GABRA2: variants seen among roughly 807,000 people sequenced by gnomAD.
GABRA2 encodes gamma-aminobutyric acid receptor subunit alpha-2.
GABRA2 carries 16 observed loss-of-function variants against 48.7 expected under a neutral mutation model. That is an observed-to-expected ratio of 0.33 (90% CI 0.22 to 0.50). GABRA2 has a LOEUF of 0.50. Ranked by LOEUF, GABRA2 falls within the 20% of genes least tolerant of loss-of-function variation. The pLI, the probability that GABRA2 is intolerant of heterozygous loss-of-function variation, is 0.98. For missense variants in GABRA2, 275 were observed against 535.6 expected (o/e 0.51, Z 4.80); for synonymous variants, 185 against 184.5 (o/e 1.00, Z -0.02).
In GABRA2 at chr4:46,357,949, C is replaced by T. The variant is rs371197246; in HGVS notation, c.188-25267G>A. 1.1e-4 allele frequency among the ~76,000 whole-genome samples: 16 copies of T among 152,100 alleles called. No individual in the cohort carries two copies. In the East Asian group the frequency reaches 1.7e-3, roughly 17 times the overall value. On this transcript the variant is annotated intron_variant, in intron 3 of 9. Transcript: ENST00000381620. ...CTGGGATTACAGGTGTGAGCCACCG[C>T]GCCCAGCTGTGAAACTTTCATACAG...
At chr4:46,316,535 T>C (rs1728581060) in intron 4 of GABRA2, among the ~76,000 whole-genome samples, 1 of 151,992 alleles carries the variant, frequency 6.6e-6, no homozygotes, top group Non-Finnish European at 1.5e-5. Context: ...TTCGTGTATG[T>C]GCATCTTCAA....
At chr4:46,302,900 C>A (rs1380595377) in intron 8 of GABRA2, among the ~76,000 whole-genome samples, 2 of 152,152 alleles carry the variant, frequency 1.3e-5, no homozygotes, top group Non-Finnish European at 2.9e-5. Flanking sequence ...GCATTTGGTT[C>A]ACAGCCATCT....
chr4:46,344,116 G>A (rs1010823710), intron 3 of GABRA2, among the ~76,000 whole-genome samples: 2 of 151,798 alleles, frequency 1.3e-5, no homozygotes, highest in Non-Finnish European at 2.9e-5. Context: ...TACACACCAA[G>A]AAATAAAAAA....
chr4:46,372,826 C>T (rs1302600872), intron 3 of GABRA2, among the ~76,000 whole-genome samples: 1 of 152,074 alleles, frequency 6.6e-6, no homozygotes, highest in Non-Finnish European at 1.5e-5. Flanking sequence ...GTTACACCAC[C>T]CTCTCTAAGA....
chr4:46,259,537 G>A (rs1716530699), intron 9 of GABRA2, among the ~76,000 whole-genome samples: 1 of 151,862 alleles, frequency 6.6e-6, no homozygotes, highest in Non-Finnish European at 1.5e-5. Context: ...AATATGTCGA[G>A]TGTGCACATG....
At chr4:46,358,774 A>C (rs989083118) in intron 3 of GABRA2, among the ~76,000 whole-genome samples, 3 of 152,152 alleles carry the variant, frequency 2.0e-5, no homozygotes, top group African/African-American at 7.2e-5. Flanking sequence ...TCTATCAGAG[A>C]GTCCTTTTAT....
At chr4:46,369,773 G>T (rs976210028) in intron 3 of GABRA2, among the ~76,000 whole-genome samples, 9 of 152,068 alleles carry the variant, frequency 5.9e-5, no homozygotes, top group Non-Finnish European at 1.3e-4. Context: ...ATGTATGATA[G>T]AATTACAAAA....
At chr4:46,295,385 T>C (rs1193283422) in intron 8 of GABRA2, among the ~76,000 whole-genome samples, 1 of 152,198 alleles carries the variant, frequency 6.6e-6, no homozygotes, top group African/African-American at 2.4e-5. Flanking sequence ...GGAAGAAGTA[T>C]GTGGATGGAC....
intron 2 of GABRA2, among the ~76,000 whole-genome samples, chr4:46,388,354 A>G (rs1182429399): frequency 6.6e-6 from 1 of 152,196 alleles, no homozygotes; most frequent in Non-Finnish European, 1.5e-5. Flanking sequence ...CCTATAATTA[A>G]TCACTTCAAT....
At chr4:46,251,756 C>T (rs563217116) in intron 9 of GABRA2, among the ~76,000 whole-genome samples, 3 of 151,486 alleles carry the variant, frequency 2.0e-5, no homozygotes, top group South Asian at 2.1e-4. Context: ...TGTGATTATT[C>T]GACTGACATC....
intron 3 of GABRA2, among the ~76,000 whole-genome samples, chr4:46,342,595 C>T (rs1733436487): frequency 6.6e-6 from 1 of 152,006 alleles, no homozygotes; most frequent in Admixed American, 6.6e-5. Context: ...CAGACATTTA[C>T]TTCTGCCTAC....
chr4:46,261,911 G>A lies in GABRA2; in HGVS notation c.1059+15C>T, dbSNP rs1346226989. Reference sequence around the variant, plus strand: ...GTATTTTCTTAATAATGATAACACGGAAGCTCTCACTTACCTTGTCATTTA... The same window carrying A: ...GTATTTTCTTAATAATGATAACACGAAAGCTCTCACTTACCTTGTCATTTA... On this transcript the variant is annotated intron_variant, in intron 9 of 9. Transcript: ENST00000381620. The A allele has an allele frequency of 6.2e-7, 1 of 1,601,342 alleles. No individual in the cohort carries two copies. Among genetic ancestry groups the A allele is most frequent in the Non-Finnish European group, 8.6e-7 (1 of 1,168,564 alleles).
In GABRA2 at chr4:46,336,327, G is replaced by C. The variant is rs575022865; in HGVS notation, c.188-3645C>G. On this transcript the variant is annotated intron_variant, in intron 3 of 9. Transcript: ENST00000381620. ...TTCCATTGACAAAGGCAGGTTGAGA[G>C]TATAAGTAATAGGCTTCCAGTGAAG... Among the ~76,000 whole-genome samples the C allele has an allele frequency of 5.3e-5, 8 of 152,292 alleles. No homozygotes were observed. The East Asian group carries it at 1.5e-3, about 29-fold the overall frequency.
chr4:46,276,628 G>T (rs528484847), intron 8 of GABRA2, among the ~76,000 whole-genome samples: 14 of 150,826 alleles, frequency 9.3e-5, no homozygotes, highest in African/African-American at 3.4e-4. Context: ...AGCGTAGTTT[G>T]ATGTCATAAT....
chr4:46,352,726 T>C (rs537461408), intron 3 of GABRA2, among the ~76,000 whole-genome samples: 2 of 152,206 alleles, frequency 1.3e-5, no homozygotes, highest in East Asian at 3.9e-4. Context: ...TGTCTCTATA[T>C]ATCCAGAGAA....
intron 9 of GABRA2, chr4:46,261,369 AC>A (rs749592253): frequency 6.5e-6 from 1 of 153,518 alleles, no homozygotes; most frequent in Admixed American, 6.4e-5. Context: ...CCGGGCTTTT[AC>A]AATCAATCAG....
chr4:46,365,028 A>G (rs896688725), intron 3 of GABRA2: 3 of 152,230 alleles, frequency 2.0e-5, no homozygotes, highest in Non-Finnish European at 2.9e-5. Flanking sequence ...TGAAGAAATC[A>G]TAAGTAATCA....
chr4:46,354,068 A>G (rs1578148145), intron 3 of GABRA2, among the ~76,000 whole-genome samples: 1 of 152,162 alleles, frequency 6.6e-6, no homozygotes, highest in African/African-American at 2.4e-5. Context: ...ACTGCATTCT[A>G]CCTGCCAGTG....
chr4:46,292,249 A>G (rs1723808521), intron 8 of GABRA2, among the ~76,000 whole-genome samples: 1 of 152,194 alleles, frequency 6.6e-6, no homozygotes, highest in Admixed American at 6.5e-5. Flanking sequence ...ACAAGCAGAT[A>G]CTGAGCCTCA....
Sources: allele counts gnomAD v4.1 joint callset (sites outside exome capture counted in the v4.1 genomes callset), GRCh38; gene constraint gnomAD v4.1.1; transcripts MANE v1.5; gene names NCBI Gene and HGNC (gene_info 2026-07-23, HGNC 2026-07-21).